Variants in CNTNAP5 observed in about 807,000 individuals in gnomAD.
The protein encoded by CNTNAP5 is contactin associated protein family member 5, also known as contactin-associated protein-like 5.
A neutral mutation model predicts 150.2 loss-of-function variants in CNTNAP5; 72 were observed. The ratio of observed to expected loss-of-function variants is 0.48; its 90% CI spans 0.40 to 0.58. CNTNAP5 has a LOEUF of 0.58. CNTNAP5 is among the 20% of genes least tolerant of loss of function. The pLI is 0.00. For missense variants in CNTNAP5, 1,636 were observed against 1,626.2 expected (o/e 1.01, Z -0.10); for synonymous variants, 672 against 619.8 (o/e 1.08, Z -1.25).
At chr2:124,660,806 CTG>C (rs1306261663) in intron 13 of CNTNAP5, among the ~76,000 whole-genome samples, 1 of 151,758 alleles carries the variant, frequency 6.6e-6, no homozygotes, top group Non-Finnish European at 1.5e-5. Flanking sequence ...GAGCTGGGCA[CTG>C]TGGCTCAAAC....
chr2:124,291,419 T>G (rs1430252), intron 3 of CNTNAP5, among the ~76,000 whole-genome samples: 49,901 of 151,884 alleles, frequency 0.33, 8,394 homozygotes, highest in South Asian at 0.51. Context: ...AACTATTAAT[T>G]AATATTTTCA....
At chr2:124,348,315 T>C (rs1447732601) in intron 3 of CNTNAP5, among the ~76,000 whole-genome samples, 2 of 152,204 alleles carry the variant, frequency 1.3e-5, no homozygotes, top group African/African-American at 2.4e-5. Flanking sequence ...TAATTTTATT[T>C]CATTTCTTGC....
chr2:124,320,032 T>G (rs1170142870), intron 3 of CNTNAP5, among the ~76,000 whole-genome samples: 1 of 152,216 alleles, frequency 6.6e-6, no homozygotes, highest in East Asian at 1.9e-4. Flanking sequence ...CCACAAAATC[T>G]TCCACGGTAC....
chr2:124,153,784 A>AT (rs1026219450), intron 1 of CNTNAP5, among the ~76,000 whole-genome samples: 24 of 151,026 alleles, frequency 1.6e-4, no homozygotes, highest in East Asian at 2.0e-4. Flanking sequence ...TAATTTTTGT[A>AT]TTTTTTAGTA....
At chr2:124,908,451 G>T (rs1678586025) in intron 22 of CNTNAP5, among the ~76,000 whole-genome samples, 1 of 152,114 alleles carries the variant, frequency 6.6e-6, no homozygotes, top group African/African-American at 2.4e-5. Context: ...CATAATGGAT[G>T]ATTCAGATTT....
chr2:124,581,609 G>T (rs1359539233), intron 11 of CNTNAP5, among the ~76,000 whole-genome samples: 2 of 152,178 alleles, frequency 1.3e-5, no homozygotes, highest in Non-Finnish European at 2.9e-5. Context: ...GAAAACTTCA[G>T]ATTTAAGTTT....
At chr2:124,298,981 A>T (rs557986856) in intron 3 of CNTNAP5, among the ~76,000 whole-genome samples, 2 of 152,212 alleles carry the variant, frequency 1.3e-5, no homozygotes, top group Non-Finnish European at 2.9e-5. Context: ...TTAGCTAAAC[A>T]TGGGGGATCC....
In CNTNAP5 at chr2:124,084,261, T is replaced by C. The variant is rs7585692; in HGVS notation, c.82+58529T>C. Among the ~76,000 whole-genome samples, 13 of 151,962 alleles carry C rather than the reference T, an allele frequency of 8.6e-5. No individual in the cohort carries two copies. In the South Asian group the frequency reaches 1.7e-3, roughly 19 times the overall value. ...TCTCATTTATTAATTCCAGAAGTCATTTTGTAGAGGTTTTTTTTTTTTCCT... is the reference window on the plus strand; with the variant it reads ...TCTCATTTATTAATTCCAGAAGTCACTTTGTAGAGGTTTTTTTTTTTTCCT... On this transcript the variant is annotated intron_variant, in intron 1 of 23. Transcript: ENST00000682447.
chr2:124,875,698 GTTTTTTTT>G (rs5834090), intron 21 of CNTNAP5, among the ~76,000 whole-genome samples: 1 of 126,782 alleles, frequency 7.9e-6, no homozygotes, highest in Non-Finnish European at 1.7e-5. Flanking sequence ...AACCATGAGG[GTTTTTTTT>G]TTTTTTTTTC....
chr2:124,525,590 T>C (rs1488966487), intron 9 of CNTNAP5, among the ~76,000 whole-genome samples: 5 of 152,214 alleles, frequency 3.3e-5, no homozygotes, highest in African/African-American at 9.7e-5. Flanking sequence ...CAAAAGGGAT[T>C]TTGCACATGT....
At chr2:124,440,456 T>C (rs2104800136) in intron 5 of CNTNAP5, among the ~76,000 whole-genome samples, 1 of 152,272 alleles carries the variant, frequency 6.6e-6, no homozygotes, top group Middle Eastern at 3.4e-3. Context: ...GTTTGAACAG[T>C]TAAGATAAGA....
At chr2:124,371,205 C>A (rs1346588117) in intron 3 of CNTNAP5, among the ~76,000 whole-genome samples, 1 of 152,072 alleles carries the variant, frequency 6.6e-6, no homozygotes, top group African/African-American at 2.4e-5. Flanking sequence ...GTGAGAGTAA[C>A]CCTTTTGCTT....
At position 124,918,907 on chromosome 2, in the gene CNTNAP5, T is replaced by C. The variant is rs1678820179; in HGVS notation, c.*4619T>C. On this transcript the variant is annotated 3_prime_UTR_variant, in exon 24 of 24. Transcript: ENST00000682447. ...GAGGATAACTGAGTGCTATTTTCTG[T>C]CTCATGCAGTTTGAACATGTTTTCT... Among the ~76,000 whole-genome samples the C allele has an allele frequency of 6.6e-6, 1 of 152,132 alleles. No individual in the cohort carries two copies. Among genetic ancestry groups the C allele is most frequent in the African/African-American group, 2.4e-5 (1 of 41,454 alleles).
chr2:124,447,963 C>G lies in CNTNAP5; in HGVS notation c.918+1026C>G, dbSNP rs1692863997. On this transcript the variant is annotated intron_variant, in intron 6 of 23. Coordinates refer to ENST00000682447, the MANE Select transcript of CNTNAP5 (RefSeq NM_001367498.1). ...GAAATTTTGTGAGCCCTTGGTTAAC[C>G]TAGGCATTATTAAAAATTAAGTTGG... 2.0e-5 allele frequency among the ~76,000 whole-genome samples: 3 copies of G among 152,104 alleles called. No homozygotes were observed. The South Asian group carries it at 6.2e-4, about 32-fold the overall frequency.
chr2:124,297,819 A>T (rs907761920), intron 3 of CNTNAP5, among the ~76,000 whole-genome samples: 5 of 44,450 alleles, frequency 1.1e-4, no homozygotes, highest in Admixed American at 2.5e-4. Flanking sequence ...ATTTATTATT[A>T]TTATTATTAT....
intron 1 of CNTNAP5, among the ~76,000 whole-genome samples, chr2:124,124,655 G>C (rs1450536284): frequency 6.6e-6 from 1 of 152,168 alleles, no homozygotes; most frequent in African/African-American, 2.4e-5. Flanking sequence ...CTTAAGGGCA[G>C]CCAGAGAGAA....
intron 3 of CNTNAP5, among the ~76,000 whole-genome samples, chr2:124,314,803 A>G (rs1688923393): frequency 6.6e-6 from 1 of 152,140 alleles, no homozygotes; most frequent in African/African-American, 2.4e-5. Flanking sequence ...TACTTTACGA[A>G]TGTATTTGAC....
chr2:124,103,744 A>C (rs1318483667), intron 1 of CNTNAP5, among the ~76,000 whole-genome samples: 1 of 151,392 alleles, frequency 6.6e-6, no homozygotes, highest in Non-Finnish European at 1.5e-5. Context: ...CTAATGTCAC[A>C]CTTCTTAGAA....
At chr2:124,085,820 T>A (rs2104680384) in intron 1 of CNTNAP5, among the ~76,000 whole-genome samples, 1 of 152,346 alleles carries the variant, frequency 6.6e-6, no homozygotes, top group East Asian at 1.9e-4. Context: ...CTACTTTCTG[T>A]TATTGAGAAT....
Sources: gnomAD v4.1 joint callset for allele counts (sites outside exome capture counted in the v4.1 genomes callset) on GRCh38, gnomAD v4.1.1 for gene constraint, MANE v1.5 for transcripts, NCBI Gene and HGNC (gene_info 2026-07-23, HGNC 2026-07-21) for gene names.